Variants in NAF1 observed in about 807,000 individuals in gnomAD.
NAF1 encodes the protein nuclear assembly factor 1 ribonucleoprotein.
In NAF1, 11 loss-of-function variants were observed where a neutral mutation model predicts 40.6. The ratio of observed to expected loss-of-function variants is 0.27; its 90% CI spans 0.17 to 0.45. NAF1 has a LOEUF of 0.45. Ranked by LOEUF, NAF1 falls within the 20% of genes least tolerant of loss-of-function variation. The pLI is 1.00. For synonymous variants in NAF1, 260 were observed against 228.5 expected (o/e 1.14, Z -1.24); for missense variants, 607 against 611.1 (o/e 0.99, Z 0.07).
intron 2 of NAF1, among the ~76,000 whole-genome samples, chr4:163,117,862 T>C (rs1474182344): frequency 6.6e-6 from 1 of 152,212 alleles, no homozygotes; most frequent in Admixed American, 6.5e-5. Flanking sequence ...TTAGCCTTAA[T>C]CATTTGGTAG....
chr4:163,164,405 A>C lies in NAF1; in HGVS notation c.366-14T>G. On this transcript the variant is annotated splice_polypyrimidine_tract_variant and intron_variant, in intron 1 of 7. Coordinates refer to ENST00000274054, the MANE Select transcript of NAF1 (RefSeq NM_138386.3). The stretch of plus-strand genomic sequence containing the variant: ...GAATCTGTTTCACTGTAGGGAAGAA[A>C]ACAGTTAAAAAAATAGTCCAGTATT... The C allele has an allele frequency of 3.3e-6, 5 of 1,504,782 alleles. No homozygotes were observed. Among genetic ancestry groups the C allele is most frequent in the Non-Finnish European group, 4.4e-6 (5 of 1,127,932 alleles). 93.2% of individuals were successfully genotyped at this position (1,504,782 alleles called of 1,614,324 possible).
intron 5 of NAF1, among the ~76,000 whole-genome samples, chr4:163,138,608 C>T (rs56402912): frequency 0.017 from 2,516 of 152,198 alleles, 36 homozygotes; most frequent in Non-Finnish European, 0.022. Flanking sequence ...CACCAAGTTC[C>T]CATGACAGAT....
At chr4:163,112,584 T>C (rs569496776) in intron 2 of NAF1, among the ~76,000 whole-genome samples, 18 of 152,258 alleles carry the variant, frequency 1.2e-4, no homozygotes, top group African/African-American at 3.8e-4. Context: ...GAAATGGACA[T>C]TGGATTTGGG....
intron 4 of NAF1, among the ~76,000 whole-genome samples, chr4:163,142,691 A>T (rs1731309169): frequency 6.6e-6 from 1 of 152,238 alleles, no homozygotes; most frequent in Non-Finnish European, 1.5e-5. Context: ...CAATACTAAT[A>T]GGTATGTTAC....
intron 4 of NAF1, among the ~76,000 whole-genome samples, chr4:163,144,622 T>C (rs1232503314): frequency 1.3e-5 from 2 of 152,212 alleles, no homozygotes; most frequent in African/African-American, 2.4e-5. Flanking sequence ...CAAGTATTTT[T>C]TAAAAACTTG....
At chr4:163,153,924 G>T (rs564972962) in intron 2 of NAF1, among the ~76,000 whole-genome samples, 1 of 152,054 alleles carries the variant, frequency 6.6e-6, no homozygotes, top group East Asian at 1.9e-4. Flanking sequence ...CACTCACCGC[G>T]AAGATCTGCA....
downstream of NAF1, among the ~76,000 whole-genome samples, chr4:163,125,485 A>G (rs917943103): frequency 6.6e-6 from 1 of 152,248 alleles, no homozygotes; most frequent in Non-Finnish European, 1.5e-5. Context: ...CAGTTACAAC[A>G]TTCCCTTAAG....
chr4:163,140,438 T>A, intron 4 of NAF1, 55 bp from the exon 5 acceptor site: 1 of 1,468,066 alleles, frequency 6.8e-7, no homozygotes, highest in South Asian at 1.3e-5. Context: ...ATTTGAAAAG[T>A]CAGCAGTGTT....
At chr4:163,160,397 T>C (rs892991439) in intron 2 of NAF1, among the ~76,000 whole-genome samples, 1 of 147,810 alleles carries the variant, frequency 6.8e-6, no homozygotes, top group Non-Finnish European at 1.5e-5. Context: ...AACCACATCT[T>C]GGGATGGCAA....
intron 2 of NAF1, among the ~76,000 whole-genome samples, chr4:163,114,565 G>C (rs1210453566): frequency 6.6e-6 from 1 of 152,244 alleles, no homozygotes; most frequent in East Asian, 1.9e-4. Context: ...TCGTATTCCT[G>C]GAATAAGTCC....
intron 2 of NAF1, among the ~76,000 whole-genome samples, chr4:163,150,623 T>C (rs1329173132): frequency 6.6e-6 from 1 of 152,150 alleles, no homozygotes; most frequent in Non-Finnish European, 1.5e-5. Flanking sequence ...ACACAACATA[T>C]ATCCTTAAAC....
At chr4:163,154,939 T>G (rs550791775) in intron 2 of NAF1, among the ~76,000 whole-genome samples, 58 of 150,310 alleles carry the variant, frequency 3.9e-4, no homozygotes, top group Non-Finnish European at 6.8e-4. Flanking sequence ...GAAAAATAAC[T>G]CAAACGCCAA....
intron 2 of NAF1, among the ~76,000 whole-genome samples, chr4:163,121,041 A>G (rs1240829516): frequency 6.6e-6 from 1 of 151,850 alleles, no homozygotes; most frequent in East Asian, 1.9e-4. Context: ...ACAGGGATGC[A>G]CCACCACACC....
downstream of NAF1, among the ~76,000 whole-genome samples, chr4:163,109,770 T>C (rs1388396988): frequency 6.6e-6 from 1 of 152,170 alleles, no homozygotes; most frequent in Non-Finnish European, 1.5e-5. Flanking sequence ...GAAAGGTGTC[T>C]CCTAGAATTA....
At chr4:163,131,708 T>C (rs1016449407) in intron 7 of NAF1, among the ~76,000 whole-genome samples, 6 of 152,098 alleles carry the variant, frequency 3.9e-5, no homozygotes, top group Non-Finnish European at 8.8e-5. Context: ...ATAAACAAAA[T>C]TGATAAATTA....
downstream of NAF1, among the ~76,000 whole-genome samples, chr4:163,108,090 A>C (rs1667557365): frequency 6.6e-6 from 1 of 152,184 alleles, no homozygotes; most frequent in Admixed American, 6.5e-5. Context: ...TTCTTCCTGC[A>C]TGCAACATAA....
chr4:163,164,843 C>T (rs1029979876), intron 1 of NAF1, among the ~76,000 whole-genome samples: 11 of 152,310 alleles, frequency 7.2e-5, no homozygotes, highest in Admixed American at 6.5e-4. Context: ...CTTGGGAAAT[C>T]CTCAGTTACG....
At chr4:163,151,266 T>C (rs890985338) in intron 2 of NAF1, among the ~76,000 whole-genome samples, 3 of 152,066 alleles carry the variant, frequency 2.0e-5, no homozygotes, top group African/African-American at 7.2e-5. Context: ...TAGTCAAGTA[T>C]ATATACATAT....
chr4:163,153,831 G>T (rs1469385381), intron 2 of NAF1, among the ~76,000 whole-genome samples: 1 of 152,152 alleles, frequency 6.6e-6, no homozygotes, highest in African/African-American at 2.4e-5. Context: ...CTTCCACACC[G>T]TGGAAGCTTT....
Sources: allele counts gnomAD v4.1 joint callset (sites outside exome capture counted in the v4.1 genomes callset), GRCh38; gene constraint gnomAD v4.1.1; transcripts MANE v1.5; gene names NCBI Gene and HGNC (gene_info 2026-07-23, HGNC 2026-07-21).